MYO1F: variants seen among roughly 807,000 people sequenced by gnomAD.
The protein encoded by MYO1F is myosin IF, also known as unconventional myosin-If.
In MYO1F, 60 loss-of-function variants were observed where a neutral mutation model predicts 146.6. That is an observed-to-expected ratio of 0.41 (90% CI 0.33 to 0.51). The LOEUF (loss-of-function observed/expected upper bound fraction) is 0.51. Ranked by LOEUF, MYO1F falls within the 20% of genes least tolerant of loss-of-function variation. MYO1F has a pLI of 0.25. For missense variants in MYO1F, 1,274 were observed against 1,534.3 expected, an observed-to-expected ratio of 0.83 and a Z score of 2.83; for synonymous variants, 602 against 602.1, an observed-to-expected ratio of 1.00 and a Z score of 0.00.
In MYO1F at chr19:8,530,346, G is replaced by A; in HGVS notation, c.2178C>T (p.Asn726=). 1 of 1,614,194 alleles carries A rather than the reference G, an allele frequency of 6.2e-7. No homozygotes were observed. Among genetic ancestry groups the A allele is most frequent in the Non-Finnish European group, 8.5e-7 (1 of 1,180,036 alleles). Residue 726 remains asparagine (N), a synonymous_variant, in exon 21 of 28, where the codon AAC becomes AAT. Transcript: ENST00000644032. The surrounding 1 kb of genome is among the most constrained non-coding windows in gnomAD (Gnocchi z 5.8). The part of the protein sequence containing the change: ...MREEASNILL[N]KKERRRNSIN... ...TGCTGTTGCGCCTCCGCTCCTTCTTGTTCAGCAGGATGTTGGAAGCTGCGG... is the reference window on the plus strand; with the variant it reads ...TGCTGTTGCGCCTCCGCTCCTTCTTATTCAGCAGGATGTTGGAAGCTGCGG...
chr19:8,550,469 C>T (rs111740323), intron 9 of MYO1F, 93 bp downstream of exon 9: 22 of 1,607,108 alleles, frequency 1.4e-5, no homozygotes, highest in African/African-American at 8.0e-5. Context: ...TTTTTTTCCT[C>T]GTGGGCTTTC....
rs1300763242 is a variant in MYO1F at position 8,528,611 on chromosome 19, TGTTG to T, written c.2329-1132_2329-1129del. ...AAAGAAACGAGGTCAGATGGGAATG[TGTTG>T]GTTGGTTGGTTGGCTAGAAAAGGGT... On this transcript the variant is annotated intron_variant, in intron 21 of 27. Transcript: ENST00000644032. Among the ~76,000 whole-genome samples, 8 of 151,846 alleles carry T rather than the reference TGTTG, an allele frequency of 5.3e-5. 1 individual carries two copies. In the South Asian group the frequency reaches 1.7e-3, roughly 32 times the overall value.
intron 14 of MYO1F, chr19:8,543,972 C>CTGG (rs1491271731): frequency 4.4e-5 from 5 of 113,820 alleles, no homozygotes; most frequent in African/African-American, 1.6e-4. Flanking sequence ...GGTGGTGGTG[C>CTGG]TGGTGCTGGT....
intron 9 of MYO1F, 38 bp downstream of exon 9, chr19:8,550,524 C>G (rs1173655508): frequency 2.5e-6 from 4 of 1,614,050 alleles, no homozygotes; most frequent in Middle Eastern, 1.6e-4. Context: ...CACCCACCCA[C>G]AGGCCTCCAT....
rs536365720 is a variant in MYO1F at position 8,552,940 on chromosome 19, A to ACAG, written c.504+196_504+198dup. 4.8e-4 allele frequency among the ~76,000 whole-genome samples: 73 copies of ACAG among 152,282 alleles called. 1 individual carries two copies. In the South Asian group the frequency reaches 0.015, roughly 32 times the overall value. On this transcript the variant is annotated intron_variant, in intron 6 of 27. Transcript: ENST00000644032. ...GTTACACAGGGGTGTCATGGCCTCC[A>ACAG]CAGTTCTGCCAATGGGGGACTCTCT...
chr19:8,547,002 A>T (rs551158736), intron 12 of MYO1F, among the ~76,000 whole-genome samples: 262 of 152,234 alleles, frequency 1.7e-3, no homozygotes, highest in African/African-American at 5.8e-3. Context: ...TTGTTAAAAA[A>T]ATCCCTGTCT....
chr19:8,538,158 G>A (rs934359823), intron 16 of MYO1F, among the ~76,000 whole-genome samples: 11 of 150,776 alleles, frequency 7.3e-5, no homozygotes, highest in African/African-American at 2.7e-4. Flanking sequence ...TAGAGACGGG[G>A]TTTCACCATG....
intron 1 of MYO1F, among the ~76,000 whole-genome samples, chr19:8,559,720 C>T (rs28587245): frequency 0.12 from 18,030 of 151,808 alleles, 2,041 homozygotes; most frequent in African/African-American, 0.29. Flanking sequence ...GAGGCCGAGG[C>T]GGGGAGATCA....
rs1014562845 is a variant in MYO1F, at chr19:8,540,019, G to C, written c.1620C>G (p.Leu540=). 33 of 1,611,776 alleles carry C rather than the reference G, an allele frequency of 2.0e-5. No individual in the cohort carries two copies. Among genetic ancestry groups the C allele is most frequent in the Non-Finnish European group, 2.5e-5 (29 of 1,178,700 alleles). Residue 540 remains leucine, a synonymous_variant, in exon 16 of 28, where the codon CTC becomes CTG. Coordinates refer to ENST00000644032, the MANE Select transcript of MYO1F (RefSeq NM_012335.4). ...ELMQTSEQAF[L]RMLFPEKLDG... ...CCAGCTTCTCGGGGAAGAGCATCCG[G>C]AGGAAGGCCCTGGGTAGGAAAGGGG...
In MYO1F at chr19:8,554,460, C is replaced by G; in HGVS notation, c.326+17G>C. On this transcript the variant is annotated intron_variant, in intron 4 of 27. Transcript: ENST00000644032. Reference sequence around the variant, plus strand: ...GCCCGGGCAGCAGGGTCTGTGGCCCCCCAACTCTGTCCATACCTAATGATG... The same window carrying G: ...GCCCGGGCAGCAGGGTCTGTGGCCCGCCAACTCTGTCCATACCTAATGATG... The G allele has an allele frequency of 1.1e-5, 18 of 1,593,522 alleles. No homozygotes were observed. The highest frequency in any genetic ancestry group is 1.5e-5 in the Non-Finnish European group (18 of 1,162,326).
intron 23 of MYO1F, 74 bp from the exon 24 acceptor site, chr19:8,526,675 A>AGGGGCG: frequency 5.2e-6 from 8 of 1,547,682 alleles, no homozygotes; most frequent in Non-Finnish European, 7.0e-6. Context: ...TGGTTGGGGC[A>AGGGGCG]GGGGCGGGGC....
chr19:8,534,816 G>A (rs946927869), intron 19 of MYO1F, among the ~76,000 whole-genome samples: 2 of 151,598 alleles, frequency 1.3e-5, no homozygotes, highest in African/African-American at 4.9e-5. Flanking sequence ...TAGAAGAGAC[G>A]GGGTTTCACC....
At chr19:8,548,583 C>A (rs913129224) in intron 10 of MYO1F, among the ~76,000 whole-genome samples, 14 of 151,624 alleles carry the variant, frequency 9.2e-5, no homozygotes, top group Admixed American at 9.2e-4. Context: ...CTCTCTGCAC[C>A]TCTATTTTCT....
intron 1 of MYO1F, among the ~76,000 whole-genome samples, chr19:8,564,646 C>T (rs2041968094): frequency 2.0e-5 from 3 of 151,442 alleles, no homozygotes; most frequent in Admixed American, 2.0e-4. Flanking sequence ...TAAGAGGGGC[C>T]CCAGGGTCAG....
chr19:8,575,640 T>C (rs114770895), intron 1 of MYO1F, among the ~76,000 whole-genome samples: 122 of 152,240 alleles, frequency 8.0e-4, no homozygotes, highest in African/African-American at 2.8e-3. Flanking sequence ...TACTGTTTCA[T>C]TGAATCCTTC....
At chr19:8,554,366 A>G in intron 4 of MYO1F, 111 bp downstream of exon 4, 1 of 875,588 alleles carries the variant, frequency 1.1e-6, no homozygotes, top group African/African-American at 1.6e-5. Flanking sequence ...GCAGAGAGGG[A>G]CAGCAGGGCA....
At chr19:8,552,952 A>G (rs539815594) in intron 6 of MYO1F, among the ~76,000 whole-genome samples, 187 bp downstream of exon 6, 7 of 152,284 alleles carry the variant, frequency 4.6e-5, no homozygotes, top group East Asian at 1.9e-4. Flanking sequence ...AGTTCTGCCA[A>G]TGGGGGACTC....
intron 4 of MYO1F, among the ~76,000 whole-genome samples, chr19:8,553,890 A>ACTCTCTCTCTCTCT (rs750034709): frequency 7.3e-4 from 42 of 57,918 alleles, no homozygotes; most frequent in East Asian, 3.0e-3. Flanking sequence ...ACACACACAC[A>ACTCTCTCTCTCTCT]CACACTCTCT....
rs1391509606 is a variant in MYO1F, at chr19:8,530,356, A to G, written c.2168T>C (p.Ile723Thr). 1 of 1,614,116 alleles carries G rather than the reference A, an allele frequency of 6.2e-7. No individual in the cohort carries two copies. Among genetic ancestry groups the G allele is most frequent in the African/African-American group, 1.3e-5 (1 of 75,026 alleles). Residue 723 changes from isoleucine to threonine, a missense_variant, in exon 21 of 28, where the codon ATC becomes ACC. By Grantham distance (89) the Ile-to-Thr change is moderately conservative. Around this residue, in one of 2 missense-constraint regions of MYO1F, gnomAD observed 900 missense variants for 1,155.1 expected, o/e 0.78. Coordinates refer to ENST00000644032, the MANE Select transcript of MYO1F (RefSeq NM_012335.4). This position sits in a 1 kb window ranked among gnomAD's most constrained non-coding sequence, Gnocchi z 5.8. ...CCTCCGCTCCTTCTTGTTCAGCAGG[A>G]TGTTGGAAGCTGCGGGGACAGAGGG... ...YEEMREEASN[I>T]LLNKKERRRN...
Sources: allele counts gnomAD v4.1 joint callset (sites outside exome capture counted in the v4.1 genomes callset), GRCh38; gene constraint gnomAD v4.1.1; regional missense constraint gnomAD v4.1.1; non-coding constraint Gnocchi (gnomAD v3.1); transcripts MANE v1.5; gene names NCBI Gene and HGNC (gene_info 2026-07-23, HGNC 2026-07-21).